Variants in OSBPL8 observed in about 807,000 individuals in gnomAD.
OSBPL8 encodes oxysterol binding protein like 8.
In OSBPL8, 59 loss-of-function variants were observed where a neutral mutation model predicts 125.5. That is an observed-to-expected ratio of 0.47 (90% CI 0.38 to 0.58). OSBPL8 has a LOEUF of 0.58. Among genes scored for constraint, OSBPL8 ranks in the 20% least tolerant of loss-of-function variants. The probability of loss-of-function intolerance (pLI) is 0.00; values close to 1 mark genes in which losing one functional copy is unlikely to be tolerated. For missense variants in OSBPL8, 758 were observed against 1,047.8 expected (o/e 0.72, Z 3.82); for synonymous variants, 330 against 338.9 (o/e 0.97, Z 0.29).
chr12:76,522,199 A>T (rs1882128396), intron 1 of OSBPL8, among the ~76,000 whole-genome samples: 1 of 152,152 alleles, frequency 6.6e-6, no homozygotes, highest in Admixed American at 6.5e-5. Flanking sequence ...TTTCCTTCTA[A>T]TAGGTTAATC....
intron 4 of OSBPL8, among the ~76,000 whole-genome samples, chr12:76,448,392 T>A (rs1261003209): frequency 6.6e-6 from 1 of 152,172 alleles, no homozygotes; most frequent in Non-Finnish European, 1.5e-5. Flanking sequence ...AATATTCTAG[T>A]GCACAGATAC....
At chr12:76,515,319 A>G (rs1419026514) in intron 1 of OSBPL8, among the ~76,000 whole-genome samples, 1 of 151,924 alleles carries the variant, frequency 6.6e-6, no homozygotes, top group African/African-American at 2.4e-5. Context: ...TAAGTAGTCA[A>G]TAGACTTCTC....
chr12:76,378,955 A>C lies in OSBPL8; in HGVS notation c.1631-405T>G, dbSNP rs139703458. Among the ~76,000 whole-genome samples the C allele has an allele frequency of 1.3e-4, 20 of 152,198 alleles. 1 individual carries two copies. In the East Asian group the frequency reaches 3.9e-3, roughly 29 times the overall value. ...CAGCTAATTTTTATATTTGTAGTAG[A>C]GACAGGGTTTCCCCATGTTGGCCAA... On this transcript the variant is annotated intron_variant, in intron 15 of 23. Coordinates refer to ENST00000261183, the MANE Select transcript of OSBPL8 (RefSeq NM_020841.5).
chr12:76,385,747 G>A (rs1170662221), intron 14 of OSBPL8, among the ~76,000 whole-genome samples: 1 of 152,056 alleles, frequency 6.6e-6, no homozygotes, highest in African/African-American at 2.4e-5. Context: ...GAACTGCACA[G>A]GTTTGACTAC....
chr12:76,366,003 G>A (rs1176857730), intron 21 of OSBPL8, among the ~76,000 whole-genome samples: 2 of 152,110 alleles, frequency 1.3e-5, no homozygotes, highest in Non-Finnish European at 2.9e-5. Context: ...ATTTTGTTAA[G>A]GATGTATGAA....
chr12:76,555,591 C>A (rs1321847870), intron 1 of OSBPL8, among the ~76,000 whole-genome samples: 2 of 152,190 alleles, frequency 1.3e-5, no homozygotes, highest in Non-Finnish European at 2.9e-5. Flanking sequence ...TTGAGGTAGG[C>A]ACATTCATAT....
intron 19 of OSBPL8, chr12:76,371,223 T>A: frequency 5.3e-6 from 2 of 378,930 alleles, no homozygotes; most frequent in Non-Finnish European, 9.0e-6. Flanking sequence ...GCTGGAACAA[T>A]TGAGAAAGAA....
At position 76,359,513 on chromosome 12, in the gene OSBPL8, ATTAAAC is replaced by A. The variant is rs1478458576; in HGVS notation, c.2329-708_2329-703del. On this transcript the variant is annotated intron_variant, in intron 21 of 23. Coordinates refer to ENST00000261183, the MANE Select transcript of OSBPL8 (RefSeq NM_020841.5). The stretch of plus-strand genomic sequence containing the variant: ...TAGATTTGTAATTTTGGTGTTCAGT[ATTAAAC>A]TTAAAAACCTAAATGCAAGAGAAGA... Among the ~76,000 whole-genome samples, 10 of 152,354 alleles carry A rather than the reference ATTAAAC, an allele frequency of 6.6e-5. No individual in the cohort carries two copies. In the East Asian group the frequency reaches 1.9e-3, roughly 29 times the overall value.
intron 1 of OSBPL8, among the ~76,000 whole-genome samples, chr12:76,506,678 A>T (rs1212767078): frequency 6.6e-6 from 1 of 152,220 alleles, no homozygotes; most frequent in African/African-American, 2.4e-5. Flanking sequence ...AGGTAAAATT[A>T]ATGATAAATG....
At chr12:76,479,583 C>T (rs1004877621) in intron 2 of OSBPL8, among the ~76,000 whole-genome samples, 9 of 152,042 alleles carry the variant, frequency 5.9e-5, no homozygotes, top group Admixed American at 5.9e-4. Context: ...TGCCTCCTGA[C>T]GGTTACATAC....
In OSBPL8 at chr12:76,502,486, C is replaced by A. The variant is rs140148016; in HGVS notation, c.-67-14868G>T. 1.4e-3 allele frequency among the ~76,000 whole-genome samples: 206 copies of A among 152,236 alleles called. No individual in the cohort carries two copies. In the Middle Eastern group the frequency reaches 0.017, roughly 13 times the overall value. ...ACTAGGCTGGCTGAGGTGAGCGATC[C>A]TAATTACCATGGAGAAACTGGACTG... On this transcript the variant is annotated intron_variant, in intron 1 of 23. Transcript: ENST00000261183.
At chr12:76,408,999 T>TTA (rs1555215486) in intron 5 of OSBPL8, among the ~76,000 whole-genome samples, 2 of 148,608 alleles carry the variant, frequency 1.3e-5, no homozygotes, top group African/African-American at 5.0e-5. Context: ...ATCTTTTTTT[T>TTA]AAAAAAAAAA....
intron 1 of OSBPL8, among the ~76,000 whole-genome samples, chr12:76,494,134 C>T (rs1045269870): frequency 1.3e-5 from 2 of 152,170 alleles, no homozygotes; most frequent in African/African-American, 4.8e-5. Flanking sequence ...ACAGGCAATT[C>T]ATAAATCTCC....
Position 76,392,704 on chromosome 12 carries a change from A to C in OSBPL8, c.806T>G (p.Leu269Arg). 6.2e-7 allele frequency: 1 copy of C among 1,613,920 alleles called. No homozygotes were observed. ...ALELALKCSS[L>R]LKRTMIREGK... is the part of the protein sequence containing the mutation. The stretch of plus-strand genomic sequence containing the variant: ...TTCTCTGATCATTGTACGTTTAAGA[A>C]GACTAGAACATTTCAAAGCCAACTC... Residue 269 changes from leucine to arginine, a missense_variant, in exon 10 of 24, where the codon CTT (leucine) becomes CGT (arginine). By Grantham distance (102) the Leu-to-Arg change is moderately radical. Transcript: ENST00000261183.
At chr12:76,375,121 G>C (rs1952761764) in intron 17 of OSBPL8, 152 bp downstream of exon 17, 1 of 510,094 alleles carries the variant, frequency 2.0e-6, no homozygotes, top group Non-Finnish European at 3.4e-6. Flanking sequence ...ACCCAGCCTT[G>C]CCCTTATTCC....
intron 1 of OSBPL8, among the ~76,000 whole-genome samples, chr12:76,521,020 A>G (rs1341797096): frequency 6.6e-6 from 1 of 152,218 alleles, no homozygotes; most frequent in Non-Finnish European, 1.5e-5. Context: ...TATCAGAAAG[A>G]GCAAAGTATC....
At chr12:76,393,710 CAAAAAA>C (rs11423585) in intron 9 of OSBPL8, among the ~76,000 whole-genome samples, 19 of 52,280 alleles carry the variant, frequency 3.6e-4, no homozygotes, top group East Asian at 7.6e-4. Context: ...GACTCCGTTT[CAAAAAA>C]AAAAAAAAAA....
In OSBPL8 at chr12:76,539,048, C is replaced by CT. The variant is rs1164120242; in HGVS notation, c.-68+20348dup. ...GTCCTAAGAGCCTGCTATTAAATAA[C>CT]TGGGGGGGGGGAGGGGGAGGGTAAG... is the stretch of plus-strand genomic sequence containing the variant. On this transcript the variant is annotated intron_variant, in intron 1 of 23. Coordinates refer to ENST00000261183, the MANE Select transcript of OSBPL8 (RefSeq NM_020841.5). 2.2e-3 allele frequency among the ~76,000 whole-genome samples: 11 copies of CT among 4,954 alleles called. No individual in the cohort carries two copies. The East Asian group carries it at 0.062, about 28-fold the overall frequency. 3.3% of individuals were successfully genotyped at this position (4,954 alleles called of 152,430 possible). A position where few individuals can be genotyped will look rare whatever the true frequency, so the allele number is the denominator to read the frequency against.
intron 2 of OSBPL8, among the ~76,000 whole-genome samples, chr12:76,464,337 A>T (rs1331054258): frequency 1.3e-5 from 2 of 152,348 alleles, no homozygotes; most frequent in East Asian, 3.9e-4. Context: ...GTTATTGTTT[A>T]CCATTGTCCC....
Sources: gnomAD v4.1 joint callset for allele counts (sites outside exome capture counted in the v4.1 genomes callset) on GRCh38, gnomAD v4.1.1 for gene constraint, MANE v1.5 for transcripts, NCBI Gene and HGNC (gene_info 2026-07-23, HGNC 2026-07-21) for gene names.